The following FBXO42 variants were observed in gnomAD, a reference collection of about 807,000 sequenced individuals.
The protein encoded by FBXO42 is F-box protein 42.
Under a neutral mutation model 71.7 loss-of-function variants are expected in FBXO42, and 12 were observed. The observed-to-expected ratio is 0.17, with a 90% CI of 0.11 to 0.27. The LOEUF (loss-of-function observed/expected upper bound fraction) is 0.27. Among genes scored for constraint, FBXO42 ranks in the 10% least tolerant of loss-of-function variants. FBXO42 has a pLI of 1.00. For missense variants in FBXO42, 707 were observed against 911.9 expected, an observed-to-expected ratio of 0.78 and a Z score of 2.89; for synonymous variants, 325 against 327.5, an observed-to-expected ratio of 0.99 and a Z score of 0.08.
intron 1 of FBXO42, among the ~76,000 whole-genome samples, chr1:16,327,938 T>A (rs1448566603): frequency 6.6e-6 from 1 of 152,170 alleles, no homozygotes; most frequent in Non-Finnish European, 1.5e-5. Context: ...TGACCTCAAG[T>A]GATCCGCCCA....
intron 4 of FBXO42, among the ~76,000 whole-genome samples, chr1:16,277,240 T>C (rs1357567231): frequency 1.3e-5 from 2 of 152,244 alleles, no homozygotes; most frequent in East Asian, 1.9e-4. Flanking sequence ...CATCCACTTC[T>C]TCCCCATTGC....
intron 1 of FBXO42, among the ~76,000 whole-genome samples, chr1:16,320,036 A>T (rs1174676768): frequency 6.6e-6 from 1 of 151,430 alleles, no homozygotes; most frequent in Non-Finnish European, 1.5e-5. Context: ...AACAACAGAG[A>T]CCTCCATTTC....
intron 4 of FBXO42, among the ~76,000 whole-genome samples, chr1:16,271,201 T>C (rs917347022): frequency 6.6e-6 from 1 of 151,856 alleles, no homozygotes; most frequent in Non-Finnish European, 1.5e-5. Flanking sequence ...AGGATGACTG[T>C]GCAGGACCTT....
chr1:16,348,059 G>A (rs551251568), intron 1 of FBXO42, among the ~76,000 whole-genome samples: 2 of 150,694 alleles, frequency 1.3e-5, no homozygotes, highest in South Asian at 4.2e-4. Context: ...TATATTATAA[G>A]CTTAATGCTG....
At chr1:16,253,269 C>T (rs1396029417) in intron 7 of FBXO42, 117 bp from the exon 8 acceptor site, 1 of 794,240 alleles carries the variant, frequency 1.3e-6, no homozygotes. Flanking sequence ...ATTCTAGTTA[C>T]CATAACCTCT....
chr1:16,319,205 G>A (rs1341550657), intron 1 of FBXO42, among the ~76,000 whole-genome samples: 1 of 152,174 alleles, frequency 6.6e-6, no homozygotes, highest in Admixed American at 6.6e-5. Flanking sequence ...TTGGGGCTTT[G>A]AGAAAGATCT....
rs771526496 is a variant in FBXO42 at position 16,251,055 on chromosome 1, C to T, written c.1769G>A (p.Ser590Asn). ...PLGSSPGSPGSQSLSSGETVP... is the reference protein window; with the variant it reads ...PLGSSPGSPGNQSLSSGETVP... Reference sequence around the variant, plus strand: ...TGTTTCTCCACTGCTCAAACTCTGGCTCCCAGGAGAGCCTGGAGAAGACCC... The same window carrying T: ...TGTTTCTCCACTGCTCAAACTCTGGTTCCCAGGAGAGCCTGGAGAAGACCC... Residue 590 changes from serine (S) to asparagine (N), a missense_variant, in exon 10 of 10, where the codon AGC (serine) becomes AAC (asparagine). Transcript: ENST00000375592. The surrounding 1 kb of genome is among the most constrained non-coding windows in gnomAD (Gnocchi z 4.5). 2.3e-5 allele frequency: 37 copies of T among 1,614,076 alleles called. No individual in the cohort carries two copies. The highest frequency in any genetic ancestry group is 4.0e-5 in the African/African-American group (3 of 74,932).
At chr1:16,290,778 A>T (rs2082069167) in intron 4 of FBXO42, among the ~76,000 whole-genome samples, 1 of 151,958 alleles carries the variant, frequency 6.6e-6, no homozygotes, top group South Asian at 2.1e-4. Context: ...GGAGCTGGGA[A>T]GAGAATCCTC....
chr1:16,341,107 G>A (rs958251894), intron 1 of FBXO42, among the ~76,000 whole-genome samples: 8 of 152,182 alleles, frequency 5.3e-5, no homozygotes, highest in African/African-American at 1.7e-4. Flanking sequence ...AATATACTAG[G>A]TGAAAAGACC....
rs1208646617 is a variant in FBXO42 at position 16,252,278 on chromosome 1, C to T, written c.1038+10G>A. 1 of 1,603,972 alleles carries T rather than the reference C, an allele frequency of 6.2e-7. No individual in the cohort carries two copies. The highest frequency in any genetic ancestry group is 2.2e-5 in the East Asian group (1 of 44,830). On this transcript the variant is annotated intron_variant, in intron 9 of 9. Coordinates refer to ENST00000375592, the MANE Select transcript of FBXO42 (RefSeq NM_018994.3). The surrounding 1 kb of genome is among the most constrained non-coding windows in gnomAD (Gnocchi z 4.4). ...CTGTCCTCCTGCTAGCCTGTCAGCT[C>T]CCTGCTTACCCGGCAAGCTGGATGG...
In FBXO42 at chr1:16,276,343, G is replaced by C. The variant is rs555022652; in HGVS notation, c.502+18440C>G. Among the ~76,000 whole-genome samples, 14 of 146,652 alleles carry C rather than the reference G, an allele frequency of 9.5e-5. No individual in the cohort carries two copies. The East Asian group carries it at 2.6e-3, about 27-fold the overall frequency. On this transcript the variant is annotated intron_variant, in intron 4 of 9. Coordinates refer to ENST00000375592, the MANE Select transcript of FBXO42 (RefSeq NM_018994.3). ...TGCAGTAAGCCGAGATCACACCACT[G>C]CACACCAGCCCGGGCGACAGACCGA...
chr1:16,299,113 A>G (rs2082162695), intron 3 of FBXO42, among the ~76,000 whole-genome samples: 1 of 152,026 alleles, frequency 6.6e-6, no homozygotes, highest in African/African-American at 2.4e-5. Context: ...CCTAGGTTCA[A>G]GCAATTCTCC....
intron 1 of FBXO42, among the ~76,000 whole-genome samples, chr1:16,341,496 A>T (rs1323377074): frequency 6.6e-6 from 1 of 151,318 alleles, no homozygotes; most frequent in Admixed American, 6.6e-5. Flanking sequence ...GCTACTCAGG[A>T]GGCTGAGGCA....
chr1:16,349,922 G>A (rs1002296631), intron 1 of FBXO42, among the ~76,000 whole-genome samples: 4 of 152,166 alleles, frequency 2.6e-5, no homozygotes, highest in Admixed American at 2.0e-4. Context: ...AGATAATTAC[G>A]TATTTGTTCA....
At chr1:16,268,376 G>A (rs1329576444) in intron 4 of FBXO42, among the ~76,000 whole-genome samples, 1 of 152,152 alleles carries the variant, frequency 6.6e-6, no homozygotes, top group Admixed American at 6.5e-5. Flanking sequence ...CCTTAGAAAA[G>A]CATGTATTCT....
chr1:16,332,605 A>T (rs116184516), intron 1 of FBXO42, among the ~76,000 whole-genome samples: 3,551 of 151,470 alleles, frequency 0.023, 138 homozygotes, highest in African/African-American at 0.081. Context: ...CAGTGGCACA[A>T]CCTCAGCTCA....
At chr1:16,323,147 A>G (rs1178613301) in intron 1 of FBXO42, among the ~76,000 whole-genome samples, 2 of 152,212 alleles carry the variant, frequency 1.3e-5, no homozygotes, top group East Asian at 1.9e-4. Context: ...GGCCAGGCAC[A>G]GTGGCTCACG....
At chr1:16,347,153 T>C (rs1233176618) in intron 1 of FBXO42, among the ~76,000 whole-genome samples, 2 of 152,082 alleles carry the variant, frequency 1.3e-5, no homozygotes, top group Non-Finnish European at 2.9e-5. Flanking sequence ...TGTGTGTGTG[T>C]GCGCATCAAA....
chr1:16,305,897 A>G lies in FBXO42; in HGVS notation c.273T>C (p.His91=). 1 of 1,614,042 alleles carries G rather than the reference A, an allele frequency of 6.2e-7. No individual in the cohort carries two copies. Among genetic ancestry groups the G allele is most frequent in the South Asian group, 1.1e-5 (1 of 91,082 alleles). Reference sequence around the variant, plus strand: ...CTTCCTGGACAGCCTTCATGAAACCATGATAACACTGATGGGCTACACCTA... The same window carrying G: ...CTTCCTGGACAGCCTTCATGAAACCGTGATAACACTGATGGGCTACACCTA... ...LIKGVAHQCY[H]GFMKAVQEGN... is the part of the protein sequence containing the mutation. The change falls in exon 3 of 10, where the codon CAT becomes CAC. Residue 91 remains histidine, a synonymous_variant. Coordinates refer to ENST00000375592, the MANE Select transcript of FBXO42 (RefSeq NM_018994.3).
Sources: gnomAD v4.1 joint callset for allele counts (sites outside exome capture counted in the v4.1 genomes callset) on GRCh38, gnomAD v4.1.1 for gene constraint, Gnocchi (gnomAD v3.1) non-coding constraint, MANE v1.5 for transcripts, NCBI Gene and HGNC (gene_info 2026-07-23, HGNC 2026-07-21) for gene names.